The following ADAM12 variants were observed in gnomAD, a reference collection of about 807,000 sequenced individuals.
ADAM12 encodes the protein ADAM metallopeptidase domain 12, also known as disintegrin and metalloproteinase domain-containing protein 12.
ADAM12 carries 70 observed loss-of-function variants against 106.4 expected under a neutral mutation model. That is an observed-to-expected ratio of 0.66 (90% CI 0.54 to 0.80). The LOEUF (loss-of-function observed/expected upper bound fraction) is 0.80, where lower values mean the gene tolerates loss of function less well. Among genes scored for constraint, ADAM12 ranks in the 30% least tolerant of loss-of-function variants. ADAM12 has a pLI of 0.00. For missense variants in ADAM12, 1,010 were observed against 1,171.9 expected, an observed-to-expected ratio of 0.86 and a Z score of 2.02; for synonymous variants, 420 against 433.5, an observed-to-expected ratio of 0.97 and a Z score of 0.39.
chr10:126,118,305 A>C (rs965561040), intron 5 of ADAM12, 81 bp from the exon 6 acceptor site: 3 of 1,013,552 alleles, frequency 3.0e-6, no homozygotes, highest in African/African-American at 3.2e-5. Context: ...TCTTAACAAG[A>C]GAGAGAATGA....
At chr10:126,123,766 G>T (rs571076474) in intron 5 of ADAM12, among the ~76,000 whole-genome samples, 2 of 152,186 alleles carry the variant, frequency 1.3e-5, no homozygotes, top group Non-Finnish European at 2.9e-5. Flanking sequence ...AGTTTTGAGA[G>T]AGGGGCCCAG....
At chr10:126,115,098 C>A (rs1321295807) in intron 6 of ADAM12, among the ~76,000 whole-genome samples, 1 of 152,200 alleles carries the variant, frequency 6.6e-6, no homozygotes, top group Non-Finnish European at 1.5e-5. Flanking sequence ...CTCCCCAACT[C>A]GCTGTCCTAT....
intron 2 of ADAM12, among the ~76,000 whole-genome samples, chr10:126,318,886 A>G (rs1853991945): frequency 6.6e-6 from 1 of 152,168 alleles, no homozygotes; most frequent in Non-Finnish European, 1.5e-5. Context: ...AGCAAGACAC[A>G]TCTTACATGG....
intron 1 of ADAM12, among the ~76,000 whole-genome samples, chr10:126,341,967 G>A (rs559261640): frequency 6.6e-6 from 1 of 152,250 alleles, no homozygotes; most frequent in Admixed American, 6.5e-5. Flanking sequence ...CTTCTAATGT[G>A]GGTAATAGTT....
At chr10:126,134,550 G>A (rs1027836124) in intron 5 of ADAM12, among the ~76,000 whole-genome samples, 12 of 152,204 alleles carry the variant, frequency 7.9e-5, no homozygotes, top group Non-Finnish European at 4.4e-5. Flanking sequence ...AAGGACCAAC[G>A]CTGGTAAATA....
chr10:126,284,202 G>C (rs1959730418), intron 2 of ADAM12, among the ~76,000 whole-genome samples: 2 of 151,554 alleles, frequency 1.3e-5, no homozygotes, highest in South Asian at 4.2e-4. Context: ...GTATGGTGCT[G>C]TGCTCCTGTA....
At chr10:126,058,491 G>A (rs192865212) in intron 14 of ADAM12, among the ~76,000 whole-genome samples, 3 of 152,346 alleles carry the variant, frequency 2.0e-5, no homozygotes, top group Admixed American at 1.3e-4. Flanking sequence ...AAAGACAGAC[G>A]TTTTACTTCC....
At chr10:126,210,079 G>A (rs1430438404) in intron 3 of ADAM12, among the ~76,000 whole-genome samples, 5 of 152,140 alleles carry the variant, frequency 3.3e-5, no homozygotes, top group African/African-American at 4.8e-5. Flanking sequence ...CACTCAACTC[G>A]ATGACTGAAT....
At chr10:126,245,532 G>A (rs1185519115) in intron 3 of ADAM12, among the ~76,000 whole-genome samples, 3 of 152,164 alleles carry the variant, frequency 2.0e-5, no homozygotes. Context: ...GGGGCTAGAG[G>A]CACTGCCTTT....
rs528202940 is a variant in ADAM12, at chr10:126,374,575, G to C, written c.88+13483C>G. On this transcript the variant is annotated intron_variant, in intron 1 of 22. Coordinates refer to ENST00000448723, the MANE Select transcript of ADAM12 (RefSeq NM_001288973.2). ...AAGTAAAGATATTGAAAAATGTGAA[G>C]TCAATAGACAGTTTAAACAGCATTT... Among the ~76,000 whole-genome samples the C allele has an allele frequency of 8.8e-4, 134 of 152,102 alleles. 2 individuals are homozygous for C. Among genetic ancestry groups the C allele is most frequent in the Non-Finnish European group, 9.4e-4 (64 of 68,010 alleles).
At chr10:126,324,726 AT>A (rs1854231166) in intron 2 of ADAM12, among the ~76,000 whole-genome samples, 1 of 152,132 alleles carries the variant, frequency 6.6e-6, no homozygotes, top group Non-Finnish European at 1.5e-5. Flanking sequence ...TCTAGGGACA[AT>A]TAAATTAAGT....
intron 11 of ADAM12, among the ~76,000 whole-genome samples, chr10:126,087,757 G>A (rs529450859): frequency 6.6e-6 from 1 of 152,272 alleles, no homozygotes; most frequent in South Asian, 2.1e-4. Context: ...ACAGAGTGTG[G>A]ACTTTCCCGC....
intron 2 of ADAM12, among the ~76,000 whole-genome samples, chr10:126,285,709 C>T (rs1459741794): frequency 6.6e-6 from 1 of 152,188 alleles, no homozygotes; most frequent in Non-Finnish European, 1.5e-5. Context: ...ACTCTATCCT[C>T]AGTGCACATG....
intron 3 of ADAM12, among the ~76,000 whole-genome samples, chr10:126,243,878 G>T (rs1291225833): frequency 6.6e-6 from 1 of 152,164 alleles, no homozygotes; most frequent in Non-Finnish European, 1.5e-5. Flanking sequence ...GGGAATGTGA[G>T]GCTTAACCTC....
chr10:126,190,132 C>T (rs1957471140), intron 3 of ADAM12, among the ~76,000 whole-genome samples: 5 of 152,090 alleles, frequency 3.3e-5, no homozygotes, highest in Non-Finnish European at 7.4e-5. Flanking sequence ...TCTATCCAGC[C>T]TTCTCAGGTT....
intron 21 of ADAM12, among the ~76,000 whole-genome samples, chr10:126,023,571 T>C (rs557422194): frequency 3.3e-5 from 5 of 152,262 alleles, no homozygotes; most frequent in Non-Finnish European, 5.9e-5. Flanking sequence ...TCCTGACTCC[T>C]CTCCATTCAA....
At chr10:126,220,941 G>A (rs755791456) in intron 3 of ADAM12, among the ~76,000 whole-genome samples, 2 of 152,236 alleles carry the variant, frequency 1.3e-5, no homozygotes, top group Non-Finnish European at 2.9e-5. Flanking sequence ...AGGCCCAGAG[G>A]CTTCCAGAAC....
At chr10:126,042,080 C>T (rs1191719381) in intron 18 of ADAM12, 17 of 1,594,662 alleles carry the variant, frequency 1.1e-5, no homozygotes, top group South Asian at 9.0e-5. Context: ...CTTGGGGACG[C>T]GTGACCTCCT....
intron 18 of ADAM12, chr10:126,041,580 A>G (rs1024810989): frequency 1.0e-6 from 1 of 986,128 alleles, no homozygotes. Flanking sequence ...TTTCATTGCC[A>G]TTCAGTTTGC....
Sources: gnomAD v4.1 joint callset for allele counts (sites outside exome capture counted in the v4.1 genomes callset) on GRCh38, gnomAD v4.1.1 for gene constraint, MANE v1.5 for transcripts, NCBI Gene and HGNC (gene_info 2026-07-23, HGNC 2026-07-21) for gene names.